Variants in MAGI1 observed in about 807,000 individuals in gnomAD.
MAGI1 encodes membrane-associated guanylate kinase, WW and PDZ domain-containing protein 1.
A neutral mutation model predicts 139.9 loss-of-function variants in MAGI1; 58 were observed. That is an observed-to-expected ratio of 0.41 (90% confidence interval 0.34 to 0.52). The LOEUF (loss-of-function observed/expected upper bound fraction) is 0.52. Among genes scored for constraint, MAGI1 ranks in the 20% least tolerant of loss-of-function variants. MAGI1 has a pLI of 0.12. For missense variants in MAGI1, 1,874 were observed against 1,901.6 expected (o/e 0.99, Z 0.27); for synonymous variants, 812 against 737.9 (o/e 1.10, Z -1.63).
At chr3:65,711,533 C>A (rs1045877695) in intron 1 of MAGI1, among the ~76,000 whole-genome samples, 1 of 152,056 alleles carries the variant, frequency 6.6e-6, no homozygotes, top group African/African-American at 2.4e-5. Flanking sequence ...TTTTGTCCCC[C>A]CAAAATTCAT....
intron 2 of MAGI1, among the ~76,000 whole-genome samples, chr3:65,507,659 T>C (rs2077353474): frequency 6.6e-6 from 1 of 152,210 alleles, no homozygotes; most frequent in South Asian, 2.1e-4. Context: ...TCCAAAAATA[T>C]ATGGACTTGG....
intron 1 of MAGI1, among the ~76,000 whole-genome samples, chr3:65,756,467 G>T (rs1478924570): frequency 6.6e-6 from 1 of 152,102 alleles, no homozygotes; most frequent in African/African-American, 2.4e-5. Flanking sequence ...CTTCTCATGG[G>T]GACCCTGCTT....
intron 1 of MAGI1, among the ~76,000 whole-genome samples, chr3:65,815,102 C>T (rs1019613097): frequency 3.3e-5 from 5 of 152,130 alleles, no homozygotes; most frequent in Admixed American, 2.6e-4. Flanking sequence ...TAGAGGGAGG[C>T]GGCAGCATTC....
chr3:65,372,442 G>A (rs1453821242), intron 18 of MAGI1, among the ~76,000 whole-genome samples: 1 of 152,166 alleles, frequency 6.6e-6, no homozygotes, highest in African/African-American at 2.4e-5. Flanking sequence ...CTAGAGCACA[G>A]GCAGAGTACA....
intron 1 of MAGI1, among the ~76,000 whole-genome samples, chr3:65,806,427 CA>C (rs59762065): frequency 1.1e-3 from 161 of 141,340 alleles, no homozygotes; most frequent in Non-Finnish European, 1.5e-3. Context: ...AACTCCATTT[CA>C]AAAAAAAAAA....
At chr3:65,725,700 C>T (rs1316629151) in intron 1 of MAGI1, among the ~76,000 whole-genome samples, 1 of 152,198 alleles carries the variant, frequency 6.6e-6, no homozygotes, top group African/African-American at 2.4e-5. Context: ...ACATCTCCTT[C>T]TTCACTCTGC....
intron 2 of MAGI1, among the ~76,000 whole-genome samples, chr3:65,568,602 G>A (rs1319340485): frequency 6.6e-6 from 1 of 152,126 alleles, no homozygotes; most frequent in Non-Finnish European, 1.5e-5. Context: ...AGTCTAAAAT[G>A]TATTCATTCG....
At chr3:65,447,948 T>A in intron 7 of MAGI1, 74 bp downstream of exon 7, 1 of 1,502,206 alleles carries the variant, frequency 6.7e-7, no homozygotes, top group African/African-American at 1.4e-5. Context: ...GATTAAGCAA[T>A]TCACTGGGGA....
intron 1 of MAGI1, among the ~76,000 whole-genome samples, chr3:65,713,122 C>G (rs147539557): frequency 3.4e-4 from 52 of 152,316 alleles, no homozygotes; most frequent in Middle Eastern, 3.4e-3. Context: ...ATTCCTTCTA[C>G]TCCTGAGCCA....
chr3:65,887,653 T>C (rs1428643918), intron 1 of MAGI1, among the ~76,000 whole-genome samples: 1 of 152,204 alleles, frequency 6.6e-6, no homozygotes, highest in Non-Finnish European at 1.5e-5. Flanking sequence ...AAAAATTCTA[T>C]GTCTGGTTAG....
intron 1 of MAGI1, among the ~76,000 whole-genome samples, chr3:65,785,680 C>T (rs1410011811): frequency 3.3e-5 from 5 of 152,156 alleles, no homozygotes; most frequent in African/African-American, 1.2e-4. Flanking sequence ...ATAATTGGCA[C>T]TCCATAAATA....
At chr3:65,392,315 CAATAA>C (rs1943992057) in intron 13 of MAGI1, among the ~76,000 whole-genome samples, 1 of 151,990 alleles carries the variant, frequency 6.6e-6, no homozygotes, top group Admixed American at 6.6e-5. Flanking sequence ...TTATTTTCTC[CAATAA>C]AAGACTGTGG....
chr3:65,974,407 G>GTGGATGGA (rs1243537570), intron 1 of MAGI1, among the ~76,000 whole-genome samples: 6 of 67,994 alleles, frequency 8.8e-5, no homozygotes, highest in Admixed American at 3.7e-4. Context: ...GGGTGGATGG[G>GTGGATGGA]TGGATGGATG....
At chr3:65,611,637 A>G (rs1049077421) in intron 2 of MAGI1, among the ~76,000 whole-genome samples, 21 of 147,214 alleles carry the variant, frequency 1.4e-4, no homozygotes, top group Non-Finnish European at 1.3e-4. Context: ...GTATATATAT[A>G]TACTAGTATT....
chr3:65,704,327 T>C lies in MAGI1; in HGVS notation c.314-82239A>G, dbSNP rs921865568. Among the ~76,000 whole-genome samples the C allele has an allele frequency of 1.3e-5, 2 of 152,324 alleles. 1 individual carries two copies. Among genetic ancestry groups the C allele is most frequent in the Non-Finnish European group, 2.9e-5 (2 of 68,028 alleles). ...CTCATTCCAATGTTCTTAGACACAG[T>C]TGTTACCAAATGAGCACCAGCCCCA... On this transcript the variant is annotated intron_variant, in intron 1 of 22. Transcript: ENST00000402939.
intron 1 of MAGI1, among the ~76,000 whole-genome samples, chr3:65,915,688 C>A (rs2061867285): frequency 6.6e-6 from 1 of 152,132 alleles, no homozygotes; most frequent in Non-Finnish European, 1.5e-5. Flanking sequence ...GCACGTAGTT[C>A]CATCAAGAGC....
chr3:65,735,356 C>CATGTGTGT (rs1553699336), intron 1 of MAGI1, among the ~76,000 whole-genome samples: 1 of 148,078 alleles, frequency 6.8e-6, no homozygotes, highest in African/African-American at 2.5e-5. Flanking sequence ...TGTGTCTGCA[C>CATGTGTGT]GTGTGTGTGT....
chr3:65,804,409 T>C (rs973079753), intron 1 of MAGI1, among the ~76,000 whole-genome samples: 2 of 151,722 alleles, frequency 1.3e-5, no homozygotes, highest in Non-Finnish European at 2.9e-5. Flanking sequence ...TAAACTGATA[T>C]ATATAAATAT....
At chr3:65,526,388 C>T (rs1478947422) in intron 2 of MAGI1, among the ~76,000 whole-genome samples, 1 of 152,176 alleles carries the variant, frequency 6.6e-6, no homozygotes, top group African/African-American at 2.4e-5. Flanking sequence ...ATGGGTCCCA[C>T]AAGCATACCT....
Sources: allele counts gnomAD v4.1 joint callset (sites outside exome capture counted in the v4.1 genomes callset), GRCh38; gene constraint gnomAD v4.1.1; transcripts MANE v1.5; gene names NCBI Gene and HGNC (gene_info 2026-07-23, HGNC 2026-07-21).